Variants in PTRH1 observed in about 807,000 individuals in gnomAD.
PTRH1 encodes the protein peptidyl-tRNA hydrolase 1 homolog.
In PTRH1, 13 loss-of-function variants were observed where a neutral mutation model predicts 15.7. The observed-to-expected ratio is 0.83, with a 90% CI of 0.54 to 1.31. The LOEUF (loss-of-function observed/expected upper bound fraction) is 1.31. PTRH1 is among the 40% of genes most tolerant of loss of function. The pLI, the probability that PTRH1 is intolerant of heterozygous loss-of-function variation, is 0.00. For missense variants in PTRH1, 319 were observed against 296.2 expected (o/e 1.08, Z -0.56); for synonymous variants, 139 against 136.7 (o/e 1.02, Z -0.12).
chr9:127,713,361 A>C, downstream of PTRH1: 1 of 620,276 alleles, frequency 1.6e-6, no homozygotes, highest in Non-Finnish European at 2.6e-6. Flanking sequence ...AGGAGTGGCC[A>C]AGCCTCAATG....
chr9:127,696,858 T>TC (rs762835671), intron 1 of PTRH1, among the ~76,000 whole-genome samples: 1 of 151,990 alleles, frequency 6.6e-6, no homozygotes, highest in Non-Finnish European at 1.5e-5. Flanking sequence ...AGAGCAAGAC[T>TC]CCATCTCAAA....
rs774608645 is a variant in PTRH1 at position 127,714,181 on chromosome 9, C to A, written c.564G>T (p.Leu188=). ...CGGTGGCTCGATCCAGCAACAGAGG[C>A]AGCAGCTCCTGCTCAGCAGGGGAGA... ...GCFSPAEQEL[L]PLLLDRATDL... Residue 188 remains leucine (L), a synonymous_variant, in exon 5 of 5, where the codon CTG becomes CTT. Transcript: ENST00000543175. The A allele has an allele frequency of 1.8e-5, 29 of 1,613,848 alleles. No individual in the cohort carries two copies. The highest frequency in any genetic ancestry group is 2.5e-5 in the Non-Finnish European group (29 of 1,180,028).
chr9:127,707,447 C>G (rs544691399), intron 1 of PTRH1, among the ~76,000 whole-genome samples: 1 of 152,200 alleles, frequency 6.6e-6, no homozygotes, highest in Non-Finnish European at 1.5e-5. Flanking sequence ...GTGGCCCCAC[C>G]CCAGGCAATC....
In PTRH1 at chr9:127,700,000, G is replaced by T. The variant is rs1187713602; in HGVS notation, c.206-4859C>A. ...GTTCGAGACCAGCCTGGCCAACACG[G>T]TGAAACCCCGTCTCTACTAAAAATA... On this transcript the variant is annotated intron_variant, in intron 1 of 2. Transcript: ENST00000335223. 5.9e-5 allele frequency among the ~76,000 whole-genome samples: 9 copies of T among 152,078 alleles called. No individual in the cohort carries two copies. The East Asian group carries it at 1.7e-3, about 29-fold the overall frequency.
chr9:127,707,230 T>A (rs1378428634), intron 1 of PTRH1: 1 of 1,596,666 alleles, frequency 6.3e-7, no homozygotes, highest in Non-Finnish European at 8.5e-7. Flanking sequence ...GTGCCCTGGG[T>A]CAGAAGCCCA....
rs963782807 is a variant in PTRH1 at position 127,715,096 on chromosome 9, ACT to A, written c.193_194del (p.Ser65LeufsTer56). 47 of 1,532,432 alleles carry A rather than the reference ACT, an allele frequency of 3.1e-5. No homozygotes were observed. In the African/African-American group the frequency reaches 4.3e-4, roughly 14 times the overall value. The allele number at this position is 1,532,432 out of a possible 1,614,324, so 94.9% of individuals were successfully genotyped here. A position where few individuals can be genotyped will look rare whatever the true frequency, so the allele number is the denominator to read the frequency against. On this transcript the variant is annotated frameshift_variant, in exon 2 of 5. Transcript: ENST00000543175. LOFTEE classifies it high-confidence loss of function. The surrounding 1 kb of genome is among the most constrained non-coding windows in gnomAD (Gnocchi z 5.8). Reference sequence around the variant, plus strand: ...CGGCACAGTGCCGGTCGCGCGTCCAACTCTCCGCCACACCCAGCCGCCGCGCC... The same window carrying A: ...CGGCACAGTGCCGGTCGCGCGTCCAACTCCGCCACACCCAGCCGCCGCGCC... ...QLARRLGVAE[S>X]WTRDRHCAAD...
intron 1 of PTRH1, among the ~76,000 whole-genome samples, chr9:127,707,462 C>G (rs749582882): frequency 1.2e-4 from 18 of 152,136 alleles, no homozygotes; most frequent in Non-Finnish European, 2.1e-4. Context: ...GCAATCCCCA[C>G]GTCCCCCTGC....
chr9:127,707,259 G>C, intron 1 of PTRH1: 1 of 1,563,246 alleles, frequency 6.4e-7, no homozygotes, highest in Non-Finnish European at 8.7e-7. Flanking sequence ...TGGCCCCCAT[G>C]CAGGTTTGGC....
chr9:127,695,118 GT>G lies in PTRH1; in HGVS notation c.228del (p.Gln76HisfsTer25). 1 of 702,300 alleles carries G rather than the reference GT, an allele frequency of 1.4e-6. No homozygotes were observed. The highest frequency in any genetic ancestry group is 2.6e-6 in the Non-Finnish European group (1 of 384,578). 43.5% of individuals were successfully genotyped at this position (702,300 alleles called of 1,614,324 possible). On this transcript the variant is annotated frameshift_variant, in exon 2 of 3. Coordinates refer to the PTRH1 transcript ENST00000335223. LOFTEE classifies it high-confidence loss of function. ...TGGTGATGATGATGATGCTGCTGCT[GT>G]TGACGATGAGTCCAAGCCAAGCCTG...
intron 1 of PTRH1, chr9:127,706,906 C>A: frequency 8.6e-7 from 1 of 1,168,984 alleles, no homozygotes; most frequent in Non-Finnish European, 1.2e-6. Flanking sequence ...CGGCACCCAG[C>A]AAGAAGAGGG....
intron 1 of PTRH1, among the ~76,000 whole-genome samples, chr9:127,701,230 T>G (rs574440110): frequency 6.6e-6 from 1 of 152,280 alleles, no homozygotes; most frequent in African/African-American, 2.4e-5. Flanking sequence ...GGCTGTAAAC[T>G]CCTCTAAAGG....
downstream of PTRH1, among the ~76,000 whole-genome samples, chr9:127,709,263 G>A (rs1030847284): frequency 3.9e-5 from 6 of 152,162 alleles, no homozygotes; most frequent in Non-Finnish European, 8.8e-5. This position sits in a 1 kb window ranked among gnomAD's most constrained non-coding sequence, Gnocchi z 4.7. Flanking sequence ...CATGACTGTC[G>A]GACCAAGGGG....
At chr9:127,711,975 G>C (rs753904235), downstream of PTRH1, 2 of 1,592,108 alleles carry the variant, frequency 1.3e-6, no homozygotes, top group Admixed American at 3.6e-5. Flanking sequence ...CGGAGGGGCG[G>C]GCGGCGGGTG....
At chr9:127,695,294 C>CA (rs769113865) in intron 1 of PTRH1, 6 of 588,974 alleles carry the variant, frequency 1.0e-5, no homozygotes, top group Non-Finnish European at 1.8e-5. Context: ...GAATAGATCT[C>CA]AGACACTTAA....
chr9:127,697,727 C>A (rs1286505868), intron 1 of PTRH1, among the ~76,000 whole-genome samples: 1 of 152,142 alleles, frequency 6.6e-6, no homozygotes, highest in African/African-American at 2.4e-5. Flanking sequence ...GGGAAGTGTC[C>A]GTGGCAGACT....
downstream of PTRH1, chr9:127,710,735 TC>T (rs1842746707): frequency 6.4e-7 from 1 of 1,567,592 alleles, no homozygotes. Flanking sequence ...GGAGAAGAAG[TC>T]GGTGCTGGAC....
chr9:127,711,821 T>A (rs200892376), downstream of PTRH1: 107 of 1,563,472 alleles, frequency 6.8e-5, no homozygotes, highest in Admixed American at 9.9e-4. Context: ...CACCCGCAGA[T>A]CATCCTCATG....
At chr9:127,701,621 G>C (rs1842603913) in intron 1 of PTRH1, among the ~76,000 whole-genome samples, 1 of 152,156 alleles carries the variant, frequency 6.6e-6, no homozygotes, top group African/African-American at 2.4e-5. Flanking sequence ...TTTAAAAATT[G>C]GCATGTTTGG....
chr9:127,706,696 C>T (rs1265171096), intron 1 of PTRH1, among the ~76,000 whole-genome samples: 1 of 152,206 alleles, frequency 6.6e-6, no homozygotes, highest in Admixed American at 6.5e-5. Context: ...CTGATCAGCA[C>T]AAAGGAAAGG....
Sources: allele counts gnomAD v4.1 joint callset (sites outside exome capture counted in the v4.1 genomes callset), GRCh38; gene constraint gnomAD v4.1.1; non-coding constraint Gnocchi (gnomAD v3.1); transcripts MANE v1.5; gene names NCBI Gene and HGNC (gene_info 2026-07-23, HGNC 2026-07-21).